AFG1L: variants seen among roughly 807,000 people sequenced by gnomAD.
The protein encoded by AFG1L is AFG1-like ATPase.
AFG1L carries 53 observed loss-of-function variants against 62.2 expected under a neutral mutation model. That is an observed-to-expected ratio of 0.85 (90% CI 0.68 to 1.07). The LOEUF is 1.07. AFG1L is among the 50% of genes least tolerant of loss of function. The pLI, the probability that AFG1L is intolerant of heterozygous loss-of-function variation, is 0.00. For synonymous variants in AFG1L, 228 were observed against 210.3 expected (o/e 1.08, Z -0.73); for missense variants, 555 against 590.5 (o/e 0.94, Z 0.62).
intron 1 of AFG1L, among the ~76,000 whole-genome samples, chr6:108,300,556 A>G (rs901815654): frequency 6.6e-6 from 1 of 152,128 alleles, no homozygotes; most frequent in Non-Finnish European, 1.5e-5. Flanking sequence ...TTTCTCTTTT[A>G]CATGTTACTT....
intron 6 of AFG1L, among the ~76,000 whole-genome samples, chr6:108,374,953 C>T (rs1780179255): frequency 6.6e-6 from 1 of 152,146 alleles, no homozygotes; most frequent in South Asian, 2.1e-4. Flanking sequence ...TAGATTCTTC[C>T]AATCCATGAG....
intron 10 of AFG1L, among the ~76,000 whole-genome samples, chr6:108,484,140 AG>A (rs1418082136): frequency 6.6e-6 from 1 of 152,232 alleles, no homozygotes; most frequent in African/African-American, 2.4e-5. Context: ...ATTAGCATCA[AG>A]GAATAAGGGC....
At chr6:108,498,389 A>G (rs773279463) in intron 10 of AFG1L, among the ~76,000 whole-genome samples, 1 of 152,218 alleles carries the variant, frequency 6.6e-6, no homozygotes, top group African/African-American at 2.4e-5. Flanking sequence ...TTAAATTATC[A>G]TAATTTAGTT....
intron 1 of AFG1L, among the ~76,000 whole-genome samples, chr6:108,306,924 C>A (rs566446581): frequency 6.6e-6 from 1 of 152,014 alleles, no homozygotes; most frequent in Non-Finnish European, 1.5e-5. Context: ...ATCTCACTTG[C>A]GACTCTTAGA....
intron 8 of AFG1L, among the ~76,000 whole-genome samples, chr6:108,448,994 T>A (rs984340845): frequency 6.6e-6 from 1 of 151,540 alleles, no homozygotes; most frequent in Non-Finnish European, 1.5e-5. Flanking sequence ...ACAAAAAATT[T>A]AAAAAATAGT....
intron 7 of AFG1L, among the ~76,000 whole-genome samples, chr6:108,438,413 T>C (rs928261187): frequency 1.3e-5 from 2 of 152,162 alleles, no homozygotes; most frequent in African/African-American, 2.4e-5. Context: ...ACATTTCCTC[T>C]TCTCATAAGG....
At chr6:108,415,873 G>T (rs1286732424) in intron 7 of AFG1L, among the ~76,000 whole-genome samples, 1 of 152,182 alleles carries the variant, frequency 6.6e-6, no homozygotes, top group Non-Finnish European at 1.5e-5. Context: ...AGGACTTCAC[G>T]TCTAAAACAC....
At chr6:108,412,594 G>C (rs530306396) in intron 7 of AFG1L, among the ~76,000 whole-genome samples, 1 of 152,352 alleles carries the variant, frequency 6.6e-6, no homozygotes, top group African/African-American at 2.4e-5. Context: ...AGCCAGAAGA[G>C]AGTGGGGGCC....
intron 11 of AFG1L, among the ~76,000 whole-genome samples, chr6:108,513,488 T>C (rs1304974843): frequency 6.6e-6 from 1 of 152,070 alleles, no homozygotes; most frequent in African/African-American, 2.4e-5. Flanking sequence ...GCTTGGAGGG[T>C]TCTACACCCA....
intron 2 of AFG1L, among the ~76,000 whole-genome samples, chr6:108,338,535 A>G (rs1250145694): frequency 6.6e-6 from 1 of 151,970 alleles, no homozygotes; most frequent in Non-Finnish European, 1.5e-5. Flanking sequence ...AGATCTCTCT[A>G]TGTTGTCCAG....
At position 108,510,310 on chromosome 6, in the gene AFG1L, T is replaced by C. The variant is rs1774594863; in HGVS notation, c.1161T>C (p.Gly387=). ...TTACTCTGGCAAACAGGACTCAAGG[T>C]CGAAGATTCATAACTCTCATCGATA... ...PQFTLANRTQ[G]RRFITLIDNF... Residue 387 remains glycine, a synonymous_variant, in exon 11 of 13, where the codon GGT becomes GGC. Transcript: ENST00000368977. 2 of 1,612,476 alleles carry C rather than the reference T, an allele frequency of 1.2e-6. No individual in the cohort carries two copies. Among genetic ancestry groups the C allele is most frequent in the Non-Finnish European group, 1.7e-6 (2 of 1,179,364 alleles).
intron 7 of AFG1L, among the ~76,000 whole-genome samples, chr6:108,422,906 C>G (rs1770665714): frequency 6.6e-6 from 1 of 152,010 alleles, no homozygotes. Context: ...ATGCTTTTGG[C>G]TACTTAACCC....
chr6:108,501,095 G>A (rs1774178814), intron 10 of AFG1L, among the ~76,000 whole-genome samples: 1 of 152,094 alleles, frequency 6.6e-6, no homozygotes, highest in Admixed American at 6.5e-5. Flanking sequence ...CTGGGTTCAA[G>A]CAATTCTCCT....
At position 108,510,343 on chromosome 6, in the gene AFG1L, T is replaced by G; in HGVS notation, c.1194T>G (p.Tyr398Ter). ...RRFITLIDNFYDLKVRIICSA... is the reference protein window; with the variant it reads ...RRFITLIDNF The stretch of plus-strand genomic sequence containing the variant: ...TCATAACTCTCATCGATAACTTTTA[T>G]GATCTCAAGGTAAGGATGTAGTACA... Residue 398 changes from tyrosine to a stop codon, truncating the protein, a stop_gained, in exon 11 of 13, where the codon TAT (tyrosine) becomes TAG (stop). Transcript: ENST00000368977. LOFTEE classifies it high-confidence loss of function. 1 of 1,609,480 alleles carries G rather than the reference T, an allele frequency of 6.2e-7. No homozygotes were observed. Among genetic ancestry groups the G allele is most frequent in the Non-Finnish European group, 8.5e-7 (1 of 1,178,602 alleles).
chr6:108,452,782 G>A (rs1772106500), intron 8 of AFG1L, among the ~76,000 whole-genome samples: 1 of 152,198 alleles, frequency 6.6e-6, no homozygotes, highest in South Asian at 2.1e-4. Flanking sequence ...ATGGAGTGGA[G>A]GGGAGGGTGT....
intron 7 of AFG1L, among the ~76,000 whole-genome samples, chr6:108,444,342 G>T (rs571280291): frequency 6.6e-6 from 1 of 152,218 alleles, no homozygotes; most frequent in South Asian, 2.1e-4. Context: ...TCAGTGAGTG[G>T]TCATCTTTTT....
At chr6:108,317,955 C>CA (rs1256690877) in intron 1 of AFG1L, 1 of 152,618 alleles carries the variant, frequency 6.6e-6, no homozygotes, top group African/African-American at 2.4e-5. Context: ...GGGAGCATAT[C>CA]AGCATAAACT....
intron 6 of AFG1L, among the ~76,000 whole-genome samples, chr6:108,376,755 A>C (rs907310464): frequency 1.3e-5 from 2 of 152,160 alleles, no homozygotes; most frequent in Non-Finnish European, 2.9e-5. Flanking sequence ...CGATATATAG[A>C]GTATTCTGTA....
At chr6:108,344,960 C>T (rs926089987) in intron 2 of AFG1L, 8 of 349,498 alleles carry the variant, frequency 2.3e-5, no homozygotes, top group Non-Finnish European at 4.5e-5. Flanking sequence ...CACTGTGGTC[C>T]TGGAAGCAGG....
Sources: gnomAD v4.1 joint callset for allele counts (sites outside exome capture counted in the v4.1 genomes callset) on GRCh38, gnomAD v4.1.1 for gene constraint, MANE v1.5 for transcripts, NCBI Gene and HGNC (gene_info 2026-07-23, HGNC 2026-07-21) for gene names.